EPC1: variants seen among roughly 807,000 people sequenced by gnomAD.
The protein encoded by EPC1 is enhancer of polycomb homolog 1.
EPC1 carries 12 observed loss-of-function variants against 98.4 expected under a neutral mutation model. That is an observed-to-expected ratio of 0.12 (90% CI 0.08 to 0.20). The LOEUF is 0.20. Ranked by LOEUF, EPC1 falls within the 10% of genes least tolerant of loss-of-function variation. The probability of loss-of-function intolerance (pLI) is 1.00; values close to 1 mark genes in which losing one functional copy is unlikely to be tolerated. For synonymous variants in EPC1, 357 were observed against 363.9 expected (o/e 0.98, Z 0.21); for missense variants, 729 against 990.5 (o/e 0.74, Z 3.54).
chr10:32,286,905 C>G, intron 8 of EPC1, 21 bp downstream of exon 8: 1 of 1,610,302 alleles, frequency 6.2e-7, no homozygotes, highest in Middle Eastern at 1.7e-4. Flanking sequence ...TTGTTATTTA[C>G]AAAGACACTC....
At position 32,346,751 on chromosome 10, in the gene EPC1, G is replaced by C. The variant is rs1378569621; in HGVS notation, c.153+12C>G. ...GCCTGACGGTGGGTCGGACAGGGGA[G>C]TTAACACGTACCGACTCCTCTTCCT... On this transcript the variant is annotated intron_variant, in intron 1 of 13. Transcript: ENST00000319778. The C allele has an allele frequency of 1.2e-6, 2 of 1,613,510 alleles. No homozygotes were observed. The highest frequency in any genetic ancestry group is 2.7e-5 in the African/African-American group (2 of 75,038).
chr10:32,290,622 T>C (rs1480849228), intron 6 of EPC1, among the ~76,000 whole-genome samples: 1 of 151,860 alleles, frequency 6.6e-6, no homozygotes, highest in Non-Finnish European at 1.5e-5. Flanking sequence ...GTAAAAGGAA[T>C]ATTTTTCCTT....
chr10:32,344,298 A>G lies in EPC1; in HGVS notation c.153+2465T>C, dbSNP rs371373257. On this transcript the variant is annotated intron_variant, in intron 1 of 13. Coordinates refer to ENST00000319778, the MANE Select transcript of EPC1 (RefSeq NM_001272004.3). ...GCAGCTTGTTTACCAGGTACTTTTT[A>G]CATTCTTCCATTAGGTTCAGTGTCT... 1.4e-4 allele frequency among the ~76,000 whole-genome samples: 22 copies of G among 152,308 alleles called. No homozygotes were observed. In the South Asian group the frequency reaches 4.3e-3, roughly 30 times the overall value.
At position 32,346,796 on chromosome 10, in the gene EPC1, C is replaced by T; in HGVS notation, c.120G>A (p.Gln40=). The change falls in exon 1 of 14, where the codon CAG becomes CAA. Residue 40 remains glutamine (Q), a synonymous_variant. Transcript: ENST00000319778. ...CTTCCTTCTCCATTCCGGTGGGCAT[C>T]TGCGGCACGGCCCTGTTTATCGAGG... ...EYASINRAVP[Q]MPTGMEKEEE... is the part of the protein sequence containing the mutation. 6.2e-7 allele frequency: 1 copy of T among 1,614,178 alleles called. No homozygotes were observed. The highest frequency in any genetic ancestry group is 8.5e-7 in the Non-Finnish European group (1 of 1,180,014).
At chr10:32,302,044 C>T (rs1241657523) in intron 2 of EPC1, among the ~76,000 whole-genome samples, 2 of 152,038 alleles carry the variant, frequency 1.3e-5, no homozygotes, top group African/African-American at 2.4e-5. Flanking sequence ...GAGGCCAAGG[C>T]GGGCGGATCA....
chr10:32,321,710 G>A (rs1409402586), intron 1 of EPC1, among the ~76,000 whole-genome samples: 1 of 151,918 alleles, frequency 6.6e-6, no homozygotes, highest in Non-Finnish European at 1.5e-5. Flanking sequence ...TCTGAAGACT[G>A]ATTAAGTCAC....
At chr10:32,342,828 A>G (rs1213727491) in intron 1 of EPC1, among the ~76,000 whole-genome samples, 1 of 152,206 alleles carries the variant, frequency 6.6e-6, no homozygotes, top group Non-Finnish European at 1.5e-5. Context: ...TTTAAAATCG[A>G]CTTTTTAAAA....
In EPC1 at chr10:32,347,156, T is replaced by A; in HGVS notation, c.-241A>T. On this transcript the variant is annotated 5_prime_UTR_variant, in exon 1 of 14. Coordinates refer to ENST00000319778, the MANE Select transcript of EPC1 (RefSeq NM_001272004.3). Reference sequence around the variant, plus strand: ...AACATGGCGGACATTAAAACTCCACTGTGCGCTCTTCAGCCAACCCCAGCC... The same window carrying A: ...AACATGGCGGACATTAAAACTCCACAGTGCGCTCTTCAGCCAACCCCAGCC... 7.2e-7 allele frequency: 1 copy of A among 1,397,512 alleles called. No homozygotes were observed. The highest frequency in any genetic ancestry group is 9.3e-7 in the Non-Finnish European group (1 of 1,079,184). 86.6% of individuals were successfully genotyped at this position (1,397,512 alleles called of 1,614,324 possible).
At chr10:32,281,117 G>A (rs533166654) in intron 10 of EPC1, among the ~76,000 whole-genome samples, 16 of 152,150 alleles carry the variant, frequency 1.1e-4, no homozygotes, top group African/African-American at 3.9e-4. Flanking sequence ...TCACTGCAAC[G>A]TCTGCCTCCT....
At chr10:32,330,931 T>G (rs1323476929) in intron 1 of EPC1, among the ~76,000 whole-genome samples, 1 of 152,100 alleles carries the variant, frequency 6.6e-6, no homozygotes, top group African/African-American at 2.4e-5. Context: ...ATGTCTGATC[T>G]CGTGTGTATT....
At chr10:32,372,547 C>A (rs116379472) in intron 1 of EPC1, among the ~76,000 whole-genome samples, 2,297 of 152,184 alleles carry the variant, frequency 0.015, 64 homozygotes, top group African/African-American at 0.052. Flanking sequence ...TGAGATGTTC[C>A]TGAAGAGAGG....
chr10:32,301,052 AT>A, intron 2 of EPC1, among the ~76,000 whole-genome samples: 1 of 149,782 alleles, frequency 6.7e-6, no homozygotes, highest in East Asian at 2.0e-4. Flanking sequence ...CTATCTATCT[AT>A]CTATCTATCT....
intron 1 of EPC1, among the ~76,000 whole-genome samples, chr10:32,358,248 C>T (rs114625933): frequency 0.011 from 1,747 of 152,240 alleles, 37 homozygotes; most frequent in African/African-American, 0.04. Context: ...ATCTGTAAAA[C>T]AATTTACTTA....
In EPC1 at chr10:32,268,969, G is replaced by C. The variant is rs549197122; in HGVS notation, c.*94C>G. On this transcript the variant is annotated 3_prime_UTR_variant, in exon 14 of 14. Coordinates refer to ENST00000319778, the MANE Select transcript of EPC1 (RefSeq NM_001272004.3). ...AAGTCCCCACAGCTGCCACAGAAAC[G>C]CATGTGCTGCTTTCCATCATCCCTT... 1.6e-5 allele frequency: 17 copies of C among 1,040,758 alleles called. No homozygotes were observed. The highest frequency in any genetic ancestry group is 2.5e-5 in the Non-Finnish European group (17 of 679,502). 64.5% of individuals were successfully genotyped at this position (1,040,758 alleles called of 1,614,324 possible).
At chr10:32,301,276 T>TA (rs1015757678) in intron 2 of EPC1, among the ~76,000 whole-genome samples, 9 of 151,990 alleles carry the variant, frequency 5.9e-5, no homozygotes, top group African/African-American at 1.5e-4. Flanking sequence ...ATGAAAGAGA[T>TA]AAAAAAAGAC....
At chr10:32,325,655 C>T (rs1837228831) in intron 1 of EPC1, among the ~76,000 whole-genome samples, 2 of 152,150 alleles carry the variant, frequency 1.3e-5, no homozygotes, top group African/African-American at 4.8e-5. Context: ...GTAAACCATA[C>T]TAAAAGTTTG....
intron 11 of EPC1, 38 bp downstream of exon 11, chr10:32,273,125 A>G (rs919801378): frequency 3.7e-6 from 6 of 1,614,160 alleles, no homozygotes; most frequent in Non-Finnish European, 5.1e-6. Flanking sequence ...CTGGTGGGAA[A>G]CAATGAGGGA....
Position 32,271,542 on chromosome 10 carries a change from ATAAC to A in EPC1, c.2369+8_2369+11del, listed in dbSNP as rs771433763. 1 of 1,606,298 alleles carries A rather than the reference ATAAC, an allele frequency of 6.2e-7. No homozygotes were observed. The highest frequency in any genetic ancestry group is 8.5e-7 in the Non-Finnish European group (1 of 1,174,138). On this transcript the variant is annotated splice_region_variant and intron_variant, in intron 13 of 13. Coordinates refer to ENST00000319778, the MANE Select transcript of EPC1 (RefSeq NM_001272004.3). ...CTTATTCCAGGTATGTTAGGCAAAA[ATAAC>A]TACTCACCTTGGAACTGAATCTACA...
At chr10:32,304,324 T>G (rs1017754139) in intron 2 of EPC1, among the ~76,000 whole-genome samples, 3 of 152,198 alleles carry the variant, frequency 2.0e-5, no homozygotes, top group African/African-American at 7.2e-5. Flanking sequence ...AGCATGCATT[T>G]ATAAGATAAT....
Sources: gnomAD v4.1 joint callset for allele counts (sites outside exome capture counted in the v4.1 genomes callset) on GRCh38, gnomAD v4.1.1 for gene constraint, MANE v1.5 for transcripts, NCBI Gene and HGNC (gene_info 2026-07-23, HGNC 2026-07-21) for gene names.